The following SLC28A2 variants were observed in gnomAD, a reference collection of about 807,000 sequenced individuals.
SLC28A2 encodes sodium/nucleoside cotransporter 2.
SLC28A2 carries 69 observed loss-of-function variants against 72.9 expected under a neutral mutation model. The observed-to-expected ratio is 0.95, with a 90% CI of 0.78 to 1.16. SLC28A2 has a LOEUF of 1.16. Among genes scored for constraint, SLC28A2 ranks in the 50% most tolerant of loss-of-function variants. The probability of loss-of-function intolerance (pLI) is 0.00; values close to 1 mark genes in which losing one functional copy is unlikely to be tolerated. For synonymous variants in SLC28A2, 296 were observed against 294.1 expected (o/e 1.01, Z -0.07); for missense variants, 745 against 791.1 (o/e 0.94, Z 0.70).
chr15:45,266,984 A>C (rs1338425689), intron 10 of SLC28A2, among the ~76,000 whole-genome samples: 2 of 152,198 alleles, frequency 1.3e-5, no homozygotes, highest in African/African-American at 4.8e-5. Flanking sequence ...TCATAATTTC[A>C]TAACATTTTC....
rs1900595332 is a variant in SLC28A2, at chr15:45,272,230, C to G, written c.1649-65C>G. ...TCTCTGCGTTCTTCTAAGTGGGGGC[C>G]CATGGGATATACCTGATTGCCTTGG... On this transcript the variant is annotated intron_variant, in intron 15 of 17. Coordinates refer to ENST00000347644, the MANE Select transcript of SLC28A2 (RefSeq NM_004212.4). 1.6e-5 allele frequency: 21 copies of G among 1,274,986 alleles called. 1 individual carries two copies. The South Asian group carries it at 2.6e-4, about 16-fold the overall frequency. The allele number at this position is 1,274,986 out of a possible 1,614,324, so 79.0% of individuals were successfully genotyped here.
At chr15:45,268,743 A>T (rs1384249686) in intron 13 of SLC28A2, among the ~76,000 whole-genome samples, 1 of 152,138 alleles carries the variant, frequency 6.6e-6, no homozygotes, top group African/African-American at 2.4e-5. Flanking sequence ...CACTATTCAC[A>T]TTAGCAAAGA....
At chr15:45,263,788 GC>G in intron 5 of SLC28A2, 92 bp from the exon 6 acceptor site, 1 of 1,327,936 alleles carries the variant, frequency 7.5e-7, no homozygotes, top group Non-Finnish European at 1.0e-6. Flanking sequence ...TTGATCACAG[GC>G]CAGGAGTGAG....
At position 45,275,391 on chromosome 15, in the gene SLC28A2, T is replaced by G; in HGVS notation, c.1860-5T>G. 1 of 1,575,666 alleles carries G rather than the reference T, an allele frequency of 6.3e-7. No individual in the cohort carries two copies. ...CTTATGTACCTCTCTGGTTTTTCAC[T>G]GCAGTACTTCTCTGAATGGCACCAA... On this transcript the variant is annotated splice_polypyrimidine_tract_variant and splice_region_variant and intron_variant, in intron 17 of 17. Transcript: ENST00000347644.
At chr15:45,258,115 C>G (rs193044179) in intron 3 of SLC28A2, among the ~76,000 whole-genome samples, 3 of 151,948 alleles carry the variant, frequency 2.0e-5, no homozygotes, top group Non-Finnish European at 4.4e-5. Context: ...CCTAGCTACT[C>G]GGGAGGCTGA....
chr15:45,267,823 G>C, intron 12 of SLC28A2, 27 bp downstream of exon 12: 2 of 1,613,122 alleles, frequency 1.2e-6, no homozygotes, highest in Non-Finnish European at 1.7e-6. Context: ...ATATACTTTG[G>C]GAGATGGTGA....
chr15:45,262,019 A>C lies in SLC28A2; in HGVS notation c.175A>C (p.Ser59Arg). The C allele has an allele frequency of 4.3e-6, 7 of 1,609,684 alleles. No individual in the cohort carries two copies. The highest frequency in any genetic ancestry group is 1.1e-5 in the South Asian group (1 of 90,974). ...TAACTTTTGGGTTCTTATTAGGAGG[A>C]GTCGGTGGCCTTTCAGCAAAGCAAG... is the stretch of plus-strand genomic sequence containing the variant. ...GLGPSTYQRR[S>R]RWPFSKARSF... Residue 59 changes from serine (S) to arginine (R), a missense_variant, in exon 4 of 18, where the codon AGT (serine) becomes CGT (arginine). Ser to Arg is a moderately radical substitution (Grantham distance 110). Coordinates refer to ENST00000347644, the MANE Select transcript of SLC28A2 (RefSeq NM_004212.4).
chr15:45,257,662 G>A (rs1900015878), intron 3 of SLC28A2, among the ~76,000 whole-genome samples: 3 of 151,914 alleles, frequency 2.0e-5, no homozygotes, highest in African/African-American at 7.3e-5. Context: ...TGATGATCTG[G>A]GGTGCTTTGT....
intron 5 of SLC28A2, 51 bp downstream of exon 5, chr15:45,263,295 CCTT>C: frequency 6.4e-7 from 1 of 1,560,502 alleles, no homozygotes; most frequent in Non-Finnish European, 8.7e-7. Flanking sequence ...CAGCCCACCT[CCTT>C]TTTTCTCTTT....
intron 14 of SLC28A2, 58 bp downstream of exon 14, chr15:45,269,593 G>C (rs1900479636): frequency 2.0e-6 from 3 of 1,486,172 alleles, no homozygotes; most frequent in East Asian, 4.6e-5. Flanking sequence ...GTTATCTGAG[G>C]GTAGACAGAA....
rs370061179 is a variant in SLC28A2, at chr15:45,267,929, C to T, written c.1199+133C>T. 23 of 1,164,756 alleles carry T rather than the reference C, an allele frequency of 2.0e-5. No homozygotes were observed. In the East Asian group the frequency reaches 3.8e-4, roughly 19 times the overall value. 72.2% of individuals were successfully genotyped at this position (1,164,756 alleles called of 1,614,324 possible). On this transcript the variant is annotated intron_variant, in intron 12 of 17. Coordinates refer to ENST00000347644, the MANE Select transcript of SLC28A2 (RefSeq NM_004212.4). ...TATTCCTTCTTGCCTATCTCTGGTG[C>T]TTGCTAATCATGCTGGTTTTCTTCA...
chr15:45,254,766 T>C (rs1475346750), intron 3 of SLC28A2, among the ~76,000 whole-genome samples: 2 of 152,240 alleles, frequency 1.3e-5, no homozygotes, highest in African/African-American at 2.4e-5. Context: ...TTTTTAATTG[T>C]TTTATTCACA....
At chr15:45,262,167 TC>T (rs1900183146) in intron 4 of SLC28A2, 61 bp downstream of exon 4, 1 of 1,200,514 alleles carries the variant, frequency 8.3e-7, no homozygotes, top group Non-Finnish European at 1.2e-6. Flanking sequence ...TTGCCTTGTG[TC>T]AAGGTGATTA....
chr15:45,273,203 G>A (rs1900642708), intron 17 of SLC28A2, among the ~76,000 whole-genome samples: 2 of 152,126 alleles, frequency 1.3e-5, no homozygotes, highest in Non-Finnish European at 2.9e-5. Context: ...TATTGTGATT[G>A]GAATACAGGT....
rs893305101 is a variant in SLC28A2, at chr15:45,263,977, C to A, written c.543C>A (p.Cys181Ter). The A allele has an allele frequency of 3.1e-6, 5 of 1,613,574 alleles. No homozygotes were observed. The African/African-American group carries it at 5.3e-5, about 17-fold the overall frequency. Residue 181 changes from cysteine (C) to a stop codon, truncating the protein, a stop_gained, in exon 6 of 18, where the codon TGC becomes TGA. Transcript: ENST00000347644. LOFTEE classifies it high-confidence loss of function. ...AGCTGATCCCCTTTGCAGGAATCTGCATGTTCATCCTTATCCTCTTTGCCT... is the reference window on the plus strand; with the variant it reads ...AGCTGATCCCCTTTGCAGGAATCTGAATGTTCATCCTTATCCTCTTTGCCT... ...PEQLIPFAGI[C>*]MFILILFACS...
rs754564010 is a variant in SLC28A2 at position 45,253,503 on chromosome 15, C to T, written c.153C>T (p.Gly51=). The change falls in exon 3 of 18, where the codon GGC becomes GGT. Residue 51 remains glycine (G), a synonymous_variant. Transcript: ENST00000347644. The stretch of plus-strand genomic sequence containing the variant: ...GACACAGCCTGGGGGATGGACTGGG[C>T]CCTTCCACTTACCAGAGGTACTGGT... ...AQGHSLGDGL[G]PSTYQRRSRW... 3 of 1,611,762 alleles carry T rather than the reference C, an allele frequency of 1.9e-6. No individual in the cohort carries two copies. The South Asian group carries it at 3.3e-5, about 18-fold the overall frequency.
intron 4 of SLC28A2, 128 bp downstream of exon 4, chr15:45,262,234 A>G: frequency 3.1e-6 from 2 of 648,006 alleles, no homozygotes; most frequent in Non-Finnish European, 5.6e-6. Flanking sequence ...TGATGTATCA[A>G]TCTTAACTAC....
chr15:45,275,576 T>C lies in SLC28A2; in HGVS notation c.*63T>C, dbSNP rs553604350. 9.8e-7 allele frequency: 1 copy of C among 1,017,374 alleles called. No homozygotes were observed. The allele number at this position is 1,017,374 out of a possible 1,614,324, so 63.0% of individuals were successfully genotyped here. ...AAAGCTTTGTGATTGCAAAGGTGTT[T>C]ATGTACTCAGGGTGCCCACAACTCA... On this transcript the variant is annotated 3_prime_UTR_variant, in exon 18 of 18. Coordinates refer to ENST00000347644, the MANE Select transcript of SLC28A2 (RefSeq NM_004212.4).
intron 3 of SLC28A2, among the ~76,000 whole-genome samples, chr15:45,254,371 TCCC>T (rs909504791): frequency 2.0e-5 from 3 of 152,300 alleles, no homozygotes; most frequent in Non-Finnish European, 2.9e-5. Flanking sequence ...ACAACGGTGG[TCCC>T]ATAAAATTAT....
Sources: allele counts gnomAD v4.1 joint callset (sites outside exome capture counted in the v4.1 genomes callset), GRCh38; gene constraint gnomAD v4.1.1; transcripts MANE v1.5; gene names NCBI Gene and HGNC (gene_info 2026-07-23, HGNC 2026-07-21).